CDRT4: variants seen among roughly 807,000 people sequenced by gnomAD.
The protein encoded by CDRT4 is CMT1A duplicated region transcript 4.
For synonymous variants in CDRT4, 64 were observed against 69.6 expected (o/e 0.92, Z 0.40); for missense variants, 167 against 193.1 (o/e 0.87, Z 0.80).
At chr17:15,460,775 C>T (rs1346089480) in intron 1 of CDRT4, among the ~76,000 whole-genome samples, 1 of 152,148 alleles carries the variant, frequency 6.6e-6, no homozygotes, top group Non-Finnish European at 1.5e-5. Context: ...ACATCCCTTT[C>T]CAAGGGTTTC....
In CDRT4 at chr17:15,440,270, T is replaced by A; in HGVS notation, c.-32A>T. 2 of 1,612,466 alleles carry A rather than the reference T, an allele frequency of 1.2e-6. No individual in the cohort carries two copies. Among genetic ancestry groups the A allele is most frequent in the South Asian group, 1.1e-5 (1 of 91,074 alleles). On this transcript the variant is annotated 5_prime_UTR_variant, in exon 3 of 4. It removes an upstream start codon present in the reference 5' UTR. Transcript: ENST00000619038. Reference sequence around the variant, plus strand: ...TTTAATATTTACTGATTTCTTAACATCACAGGTTCAGATTCCTATGGGAAA... The same window carrying A: ...TTTAATATTTACTGATTTCTTAACAACACAGGTTCAGATTCCTATGGGAAA...
At chr17:15,459,692 C>T (rs1341879177) in intron 1 of CDRT4, among the ~76,000 whole-genome samples, 2 of 151,960 alleles carry the variant, frequency 1.3e-5, no homozygotes, top group East Asian at 3.9e-4. Flanking sequence ...GTGATCCGCC[C>T]GCCTCGGCCT....
At chr17:15,453,514 C>A (rs1196841736) in intron 1 of CDRT4, among the ~76,000 whole-genome samples, 1 of 152,168 alleles carries the variant, frequency 6.6e-6, no homozygotes, top group African/African-American at 2.4e-5. Context: ...GGAACGGGCC[C>A]TTCATGGAGC....
At position 15,438,126 on chromosome 17, in the gene CDRT4, T is replaced by G. The variant is rs1567607671; in HGVS notation, c.106A>C (p.Thr36Pro). 1 of 1,614,042 alleles carries G rather than the reference T, an allele frequency of 6.2e-7. No homozygotes were observed. Among genetic ancestry groups the G allele is most frequent in the East Asian group, 2.2e-5 (1 of 44,880 alleles). ...HDPWPAYVTY[T>P]SQTVKRLIEK... ...ATGAGTCTTTTCACTGTCTGAGAGG[T>G]ATAGGTGACATAGGCCGGCCAGGGG... is the stretch of plus-strand genomic sequence containing the variant. Residue 36 changes from threonine (T) to proline (P), a missense_variant, in exon 4 of 4, where the codon ACC (threonine) becomes CCC (proline). Transcript: ENST00000619038.
chr17:15,448,690 A>G (rs1352433992), intron 2 of CDRT4, among the ~76,000 whole-genome samples: 1 of 152,020 alleles, frequency 6.6e-6, no homozygotes, highest in Non-Finnish European at 1.5e-5. Context: ...CTTCCCCACT[A>G]CTGCCATCCT....
chr17:15,448,609 C>T (rs181404121), intron 2 of CDRT4, among the ~76,000 whole-genome samples: 3 of 152,298 alleles, frequency 2.0e-5, no homozygotes, highest in African/African-American at 7.2e-5. Context: ...TCAGGAGACG[C>T]GCTCTCTCTC....
At chr17:15,447,825 C>T in intron 2 of CDRT4, among the ~76,000 whole-genome samples, 1 of 152,106 alleles carries the variant, frequency 6.6e-6, no homozygotes, top group African/African-American at 2.4e-5. Context: ...CAACCTTTTT[C>T]TTCCATGGAC....
intron 2 of CDRT4, among the ~76,000 whole-genome samples, chr17:15,444,918 A>C (rs1978950138): frequency 6.6e-6 from 1 of 152,172 alleles, no homozygotes. Context: ...ATCAAAGAAG[A>C]AGCAGTGGCT....
chr17:15,456,347 T>C (rs1009054968), intron 1 of CDRT4, among the ~76,000 whole-genome samples: 1 of 152,164 alleles, frequency 6.6e-6, no homozygotes, highest in Non-Finnish European at 1.5e-5. Context: ...GGTACTTGCC[T>C]TACACATTAC....
In CDRT4 at chr17:15,464,814, T is replaced by C. The variant is rs1452986372; in HGVS notation, c.-130+2646A>G. On this transcript the variant is annotated intron_variant, in intron 1 of 3. Coordinates refer to ENST00000619038, the MANE Select transcript of CDRT4 (RefSeq NM_001204477.2). This position sits in a 1 kb window ranked among gnomAD's most constrained non-coding sequence, Gnocchi z 4.5. ...TACCAGCGGTTGCTCTTTCACTCAC[T>C]CCAGCCTGGCATCCACACTCGCAGC... Among the ~76,000 whole-genome samples the C allele has an allele frequency of 6.6e-6, 1 of 152,060 alleles. No individual in the cohort carries two copies. The highest frequency in any genetic ancestry group is 1.5e-5 in the Non-Finnish European group (1 of 68,030).
intron 1 of CDRT4, among the ~76,000 whole-genome samples, chr17:15,455,080 A>C (rs1247408332): frequency 1.3e-5 from 2 of 152,186 alleles, no homozygotes; most frequent in African/African-American, 4.8e-5. Context: ...AACTCTAGAG[A>C]GAACAAAAGT....
chr17:15,443,691 T>G (rs368441290), intron 2 of CDRT4: 19 of 436,012 alleles, frequency 4.4e-5, no homozygotes, highest in South Asian at 3.6e-4. Flanking sequence ...AATGTCAACA[T>G]TACTCTGAAG....
intron 1 of CDRT4, among the ~76,000 whole-genome samples, chr17:15,453,512 C>A (rs1267725494): frequency 6.6e-6 from 1 of 152,168 alleles, no homozygotes; most frequent in Non-Finnish European, 1.5e-5. Flanking sequence ...CGGGAACGGG[C>A]CCTTCATGGA....
intron 1 of CDRT4, among the ~76,000 whole-genome samples, chr17:15,457,071 C>T (rs1003572865): frequency 2.6e-5 from 4 of 152,124 alleles, no homozygotes; most frequent in African/African-American, 9.7e-5. Flanking sequence ...TCAGCCCTCG[C>T]GCTACTTTGC....
At chr17:15,453,833 C>G (rs1164584672) in intron 1 of CDRT4, among the ~76,000 whole-genome samples, 3 of 152,192 alleles carry the variant, frequency 2.0e-5, no homozygotes, top group Admixed American at 2.0e-4. Flanking sequence ...AATTCAGAAG[C>G]CTCCGTGTTC....
chr17:15,451,925 G>C (rs932095853), intron 2 of CDRT4, among the ~76,000 whole-genome samples: 1 of 152,174 alleles, frequency 6.6e-6, no homozygotes, highest in African/African-American at 2.4e-5. Context: ...CACATTCATT[G>C]CTCTGTCCCC....
intron 1 of CDRT4, among the ~76,000 whole-genome samples, chr17:15,458,516 G>A (rs925980115): frequency 4.6e-5 from 7 of 152,046 alleles, no homozygotes; most frequent in African/African-American, 1.4e-4. Context: ...ACTCAGTAGC[G>A]GGGCTGCTGG....
chr17:15,448,239 TAGA>T (rs973210672), intron 2 of CDRT4, among the ~76,000 whole-genome samples: 9 of 152,128 alleles, frequency 5.9e-5, no homozygotes, highest in Non-Finnish European at 8.8e-5. Context: ...AGATTTTACC[TAGA>T]AGAAGCCCCA....
chr17:15,444,714 C>CAGAGAG (rs59581257), intron 2 of CDRT4, among the ~76,000 whole-genome samples: 3,509 of 135,866 alleles, frequency 0.026, 52 homozygotes, highest in East Asian at 0.039. Context: ...TAGCCAAGCG[C>CAGAGAG]AGAGAGAGAG....
Sources: gnomAD v4.1 joint callset for allele counts (sites outside exome capture counted in the v4.1 genomes callset) on GRCh38, gnomAD v4.1.1 for gene constraint, Gnocchi (gnomAD v3.1) non-coding constraint, MANE v1.5 for transcripts, NCBI Gene and HGNC (gene_info 2026-07-23, HGNC 2026-07-21) for gene names.